Variants in MARCHF8 observed in about 807,000 individuals in gnomAD.
MARCHF8 encodes the protein E3 ubiquitin-protein ligase MARCHF8.
MARCHF8 carries 40 observed loss-of-function variants against 51.6 expected under a neutral mutation model. The observed-to-expected ratio is 0.77, with a 90% CI of 0.60 to 1.01. MARCHF8 has a LOEUF of 1.01. Ranked by LOEUF, MARCHF8 falls within the 50% of genes least tolerant of loss-of-function variation. The probability of loss-of-function intolerance (pLI) is 0.00; values close to 1 mark genes in which losing one functional copy is unlikely to be tolerated. For synonymous variants in MARCHF8, 263 were observed against 280.3 expected (o/e 0.94, Z 0.62); for missense variants, 685 against 708.6 (o/e 0.97, Z 0.38).
intron 2 of MARCHF8, among the ~76,000 whole-genome samples, chr10:45,503,564 T>TAAATAAATAAATA (rs1564489394): frequency 1.3e-5 from 2 of 149,986 alleles, no homozygotes; most frequent in African/African-American, 2.4e-5. Context: ...AATAAATAAA[T>TAAATAAATAAATA]AAATAAAATA....
chr10:45,497,069 C>A (rs2043186371), intron 2 of MARCHF8, among the ~76,000 whole-genome samples: 1 of 151,922 alleles, frequency 6.6e-6, no homozygotes, highest in Admixed American at 6.6e-5. Flanking sequence ...ATTCTAAGTT[C>A]AGGAGATACA....
chr10:45,515,579 A>G (rs1166629225), intron 2 of MARCHF8, among the ~76,000 whole-genome samples: 1 of 152,188 alleles, frequency 6.6e-6, no homozygotes, highest in Non-Finnish European at 1.5e-5. Flanking sequence ...CACAGTAGAT[A>G]GGAATTCTCT....
intron 2 of MARCHF8, among the ~76,000 whole-genome samples, chr10:45,490,756 T>C (rs2043066448): frequency 6.6e-6 from 1 of 152,220 alleles, no homozygotes; most frequent in East Asian, 1.9e-4. Context: ...AAGATCTTAG[T>C]TGTATTTCCT....
At position 45,455,806 on chromosome 10, in the gene MARCHF8, G is replaced by A. The variant is rs1842584151; in HGVS notation, c.*2433C>T. 1 of 152,378 alleles carries A rather than the reference G, an allele frequency of 6.6e-6. No homozygotes were observed. The highest frequency in any genetic ancestry group is 1.5e-5 in the Non-Finnish European group (1 of 68,202). 9.4% of individuals were successfully genotyped at this position (152,378 alleles called of 1,614,324 possible). A position where few individuals can be genotyped will look rare whatever the true frequency, so the allele number is the denominator to read the frequency against. ...CAGGAGAGGAAAGAAGAATGTGTGT[G>A]GATTGTCCACAGTGAGGCCAGAAAC... On this transcript the variant is annotated 3_prime_UTR_variant, in exon 8 of 8. Coordinates refer to ENST00000453424, the MANE Select transcript of MARCHF8 (RefSeq NM_001282866.2).
chr10:45,522,705 C>T lies in MARCHF8; in HGVS notation c.102+10405G>A, dbSNP rs529267282. Among the ~76,000 whole-genome samples the T allele has an allele frequency of 1.8e-3, 270 of 152,284 alleles. 2 individuals carry two copies. The highest frequency in any genetic ancestry group is 6.3e-3 in the African/African-American group (262 of 41,548). On this transcript the variant is annotated intron_variant, in intron 2 of 7. Transcript: ENST00000453424. ...GAACAGTGTGAATCCAACAGCAGTGCCCTGCTCTGCTTTTTAAAAAACAGG... is the reference window on the plus strand; with the variant it reads ...GAACAGTGTGAATCCAACAGCAGTGTCCTGCTCTGCTTTTTAAAAAACAGG...
At chr10:45,581,103 G>GT (rs538259641) in intron 1 of MARCHF8, among the ~76,000 whole-genome samples, 200 of 152,238 alleles carry the variant, frequency 1.3e-3, no homozygotes, top group African/African-American at 4.4e-3. Flanking sequence ...AGCGGTATTC[G>GT]TAAGTCTGTG....
In MARCHF8 at chr10:45,501,143, G is replaced by GC. The variant is rs1564487957; in HGVS notation, c.103-11727_103-11726insG. Among the ~76,000 whole-genome samples, 16 of 149,458 alleles carry GC rather than the reference G, an allele frequency of 1.1e-4. No homozygotes were observed. The South Asian group carries it at 3.2e-3, about 30-fold the overall frequency. On this transcript the variant is annotated intron_variant, in intron 2 of 7. Transcript: ENST00000453424. ...ATAATTCCTATCAAAATTCTAGCAA[G>GC]TTTTTTTTTTAGATATAGACAGGTT...
At chr10:45,492,628 G>A (rs1198852348) in intron 2 of MARCHF8, among the ~76,000 whole-genome samples, 1 of 152,138 alleles carries the variant, frequency 6.6e-6, no homozygotes, top group Non-Finnish European at 1.5e-5. Flanking sequence ...CCATTTATTT[G>A]GACTTAAAAT....
At chr10:45,571,997 G>A (rs1256361000) in intron 1 of MARCHF8, among the ~76,000 whole-genome samples, 3 of 152,100 alleles carry the variant, frequency 2.0e-5, no homozygotes, top group Non-Finnish European at 4.4e-5. Context: ...CCGCGGGGAC[G>A]CCTGCCTTTG....
chr10:45,471,694 G>A (rs2042693521), intron 3 of MARCHF8, among the ~76,000 whole-genome samples: 1 of 152,210 alleles, frequency 6.6e-6, no homozygotes, highest in African/African-American at 2.4e-5. Flanking sequence ...TCTGTGTTCT[G>A]GGGCCAGTCC....
chr10:45,589,867 G>T (rs1354721505), intron 1 of MARCHF8, among the ~76,000 whole-genome samples: 1 of 152,152 alleles, frequency 6.6e-6, no homozygotes, highest in Non-Finnish European at 1.5e-5. Flanking sequence ...TACCGCTACT[G>T]TGAACATGTA....
At position 45,489,396 on chromosome 10, in the gene MARCHF8, A is replaced by C. The variant is rs566930141; in HGVS notation, c.124T>G (p.Phe42Val). 8 of 1,612,992 alleles carry C rather than the reference A, an allele frequency of 5.0e-6. No individual in the cohort carries two copies. In the South Asian group the frequency reaches 8.8e-5, roughly 18 times the overall value. Reference sequence around the variant, plus strand: ...GAAATGTTGCTTGAATGACTCATGAAATGTCCCAAAGTCTTCTCATTCTGC... The same window carrying C: ...GAAATGTTGCTTGAATGACTCATGACATGTCCCAAAGTCTTCTCATTCTGC... ...EEQNEKTLGH[F>V]MSHSSNISKA... The change falls in exon 3 of 8, where the codon TTC becomes GTC. Residue 42 changes from phenylalanine to valine, a missense_variant. By Grantham distance (50) the Phe-to-Val change is conservative. Transcript: ENST00000453424.
chr10:45,475,940 GA>G lies in MARCHF8; in HGVS notation c.154-11614del, dbSNP rs914121715. ...CTCCACCATACCCTAAGATACTGAG[GA>G]AATCACAGACACCACAAACATGACT... On this transcript the variant is annotated intron_variant, in intron 3 of 7. Coordinates refer to ENST00000453424, the MANE Select transcript of MARCHF8 (RefSeq NM_001282866.2). Among the ~76,000 whole-genome samples the G allele has an allele frequency of 2.0e-5, 3 of 152,062 alleles. 1 individual carries two copies. Among genetic ancestry groups the G allele is most frequent in the African/African-American group, 7.2e-5 (3 of 41,392 alleles).
chr10:45,587,492 T>C (rs1252225970), intron 1 of MARCHF8, among the ~76,000 whole-genome samples: 1 of 152,156 alleles, frequency 6.6e-6, no homozygotes, highest in African/African-American at 2.4e-5. Context: ...GACATTAAAA[T>C]AGCAATTCTC....
intron 1 of MARCHF8, among the ~76,000 whole-genome samples, chr10:45,593,195 A>G (rs900125691): frequency 2.7e-5 from 4 of 148,744 alleles, no homozygotes; most frequent in African/African-American, 1.0e-4. Flanking sequence ...AACTCACAGA[A>G]GCACCAAGCA....
chr10:45,584,006 CAAAA>C (rs67624741), intron 1 of MARCHF8, among the ~76,000 whole-genome samples: 76 of 53,048 alleles, frequency 1.4e-3, no homozygotes, highest in African/African-American at 3.8e-3. Flanking sequence ...ACTTCATTTC[CAAAA>C]AAAAAAAAAA....
rs117879066 is a variant in MARCHF8 at position 45,546,531 on chromosome 10, T to C, written c.-78-13242A>G. Among the ~76,000 whole-genome samples the C allele has an allele frequency of 3.7e-3, 569 of 152,196 alleles. 12 individuals are homozygous for C. The East Asian group carries it at 0.052, about 14-fold the overall frequency. On this transcript the variant is annotated intron_variant, in intron 1 of 6. Coordinates refer to the MARCHF8 transcript ENST00000319836. ...GAGTGGTGGCTCACACCTGTAATCC[T>C]GGCACTTTAGGAAGCCAAGGCGAGT... is the stretch of plus-strand genomic sequence containing the variant.
At chr10:45,528,028 A>G (rs1171335002) in intron 2 of MARCHF8, among the ~76,000 whole-genome samples, 1 of 152,230 alleles carries the variant, frequency 6.6e-6, no homozygotes. Context: ...ATACAGAAAA[A>G]GCATTTGATA....
At chr10:45,581,041 G>A (rs992834527) in intron 1 of MARCHF8, among the ~76,000 whole-genome samples, 1 of 152,074 alleles carries the variant, frequency 6.6e-6, no homozygotes, top group African/African-American at 2.4e-5. Flanking sequence ...CTGGGAACAC[G>A]GAGAAACCAG....
Sources: allele counts gnomAD v4.1 joint callset (sites outside exome capture counted in the v4.1 genomes callset), GRCh38; gene constraint gnomAD v4.1.1; transcripts MANE v1.5; gene names NCBI Gene and HGNC (gene_info 2026-07-23, HGNC 2026-07-21).